HS6ST3: variants seen among roughly 807,000 people sequenced by gnomAD.
The protein encoded by HS6ST3 is heparan-sulfate 6-O-sulfotransferase 3.
HS6ST3 carries 12 observed loss-of-function variants against 36.7 expected under a neutral mutation model. That is an observed-to-expected ratio of 0.33 (90% CI 0.21 to 0.53). The LOEUF (loss-of-function observed/expected upper bound fraction) is 0.53. Ranked by LOEUF, HS6ST3 falls within the 20% of genes least tolerant of loss-of-function variation. The probability of loss-of-function intolerance (pLI) is 0.95; values close to 1 mark genes in which losing one functional copy is unlikely to be tolerated. For missense variants in HS6ST3, 584 were observed against 640.9 expected (o/e 0.91, Z 0.96); for synonymous variants, 240 against 257.5 (o/e 0.93, Z 0.65).
intron 1 of HS6ST3, among the ~76,000 whole-genome samples, chr13:96,716,878 G>A (rs764641107): frequency 6.6e-6 from 1 of 152,218 alleles, no homozygotes; most frequent in Non-Finnish European, 1.5e-5. Context: ...TCCTCCATTA[G>A]TGTAGGTAAG....
At chr13:96,375,708 T>C (rs1187387379) in intron 1 of HS6ST3, among the ~76,000 whole-genome samples, 1 of 152,202 alleles carries the variant, frequency 6.6e-6, no homozygotes, top group East Asian at 1.9e-4. Flanking sequence ...AAAATTATAA[T>C]GTACTAACTA....
intron 1 of HS6ST3, among the ~76,000 whole-genome samples, chr13:96,250,987 T>G (rs950194011): frequency 1.3e-5 from 2 of 152,150 alleles, no homozygotes; most frequent in Non-Finnish European, 2.9e-5. Flanking sequence ...TTGAACTTGG[T>G]TTTCTAGCAT....
chr13:96,489,510 C>G (rs1257881444), intron 1 of HS6ST3, among the ~76,000 whole-genome samples: 1 of 151,982 alleles, frequency 6.6e-6, no homozygotes, highest in Non-Finnish European at 1.5e-5. Context: ...AACTGTCTCA[C>G]CTTAGTTCCT....
chr13:96,614,407 G>T (rs530436050), intron 1 of HS6ST3, among the ~76,000 whole-genome samples: 1 of 151,676 alleles, frequency 6.6e-6, no homozygotes, highest in South Asian at 2.1e-4. Flanking sequence ...TCACAGGAAA[G>T]GTTTGGTGGA....
intron 1 of HS6ST3, among the ~76,000 whole-genome samples, chr13:96,343,764 A>T (rs2055141077): frequency 6.6e-6 from 1 of 151,934 alleles, no homozygotes; most frequent in South Asian, 2.1e-4. Flanking sequence ...TGGTTTTGAG[A>T]TGGAGTCTCA....
intron 1 of HS6ST3, among the ~76,000 whole-genome samples, chr13:96,690,211 T>C (rs553954052): frequency 1.7e-4 from 26 of 152,240 alleles, no homozygotes; most frequent in South Asian, 4.1e-4. Context: ...AATATTATCA[T>C]TTAAAATATA....
intron 1 of HS6ST3, among the ~76,000 whole-genome samples, chr13:96,299,430 T>A (rs1375647558): frequency 2.0e-5 from 3 of 152,114 alleles, no homozygotes; most frequent in African/African-American, 7.2e-5. Context: ...TCCCCACTGG[T>A]GCCACCTGAG....
intron 1 of HS6ST3, among the ~76,000 whole-genome samples, chr13:96,274,592 A>T (rs1566308759): frequency 2.0e-5 from 3 of 152,002 alleles, no homozygotes; most frequent in Admixed American, 2.0e-4. Flanking sequence ...TTCTTTGGTG[A>T]TTTCTTTTGG....
chr13:96,213,185 C>T (rs900876943), intron 1 of HS6ST3, among the ~76,000 whole-genome samples: 1 of 151,998 alleles, frequency 6.6e-6, no homozygotes, highest in African/African-American at 2.4e-5. Context: ...ATAAGATGGC[C>T]CCAGGTTTTC....
chr13:96,611,552 A>G (rs370998166), intron 1 of HS6ST3, among the ~76,000 whole-genome samples: 14 of 152,326 alleles, frequency 9.2e-5, no homozygotes, highest in Middle Eastern at 3.4e-3. Flanking sequence ...ATGAGCAACT[A>G]TGTAAAATAA....
intron 1 of HS6ST3, among the ~76,000 whole-genome samples, chr13:96,176,421 A>G (rs2054212907): frequency 6.6e-6 from 1 of 152,150 alleles, no homozygotes; most frequent in Admixed American, 6.5e-5. Context: ...ATGGAACCCT[A>G]ATGAATACCT....
At chr13:96,185,896 G>A (rs1220978399) in intron 1 of HS6ST3, among the ~76,000 whole-genome samples, 5 of 152,230 alleles carry the variant, frequency 3.3e-5, no homozygotes, top group East Asian at 3.9e-4. Flanking sequence ...ACGTTTATTC[G>A]CATGTACAGA....
At chr13:96,786,302 G>A (rs1273926365) in intron 1 of HS6ST3, among the ~76,000 whole-genome samples, 1 of 137,936 alleles carries the variant, frequency 7.2e-6, no homozygotes, top group Non-Finnish European at 1.5e-5. Context: ...CCAGTTCCAT[G>A]TTCATCTCCC....
chr13:96,767,248 A>G (rs1242029394), intron 1 of HS6ST3, among the ~76,000 whole-genome samples: 3 of 152,208 alleles, frequency 2.0e-5, no homozygotes, highest in African/African-American at 7.2e-5. Context: ...AATACCTTCT[A>G]TCTATAACAC....
intron 1 of HS6ST3, among the ~76,000 whole-genome samples, chr13:96,626,380 C>A (rs143193637): frequency 5.8e-4 from 88 of 152,062 alleles, no homozygotes; most frequent in Non-Finnish European, 1.1e-3. Context: ...AAAAATCTAC[C>A]CTTTCTCCAC....
chr13:96,291,855 T>C (rs372062253), intron 1 of HS6ST3, among the ~76,000 whole-genome samples: 2 of 152,292 alleles, frequency 1.3e-5, no homozygotes, highest in East Asian at 3.9e-4. Flanking sequence ...AGGAAGATCC[T>C]AATGATTGTT....
At chr13:96,291,215 C>T (rs1012531820) in intron 1 of HS6ST3, among the ~76,000 whole-genome samples, 3 of 152,256 alleles carry the variant, frequency 2.0e-5, no homozygotes, top group African/African-American at 2.4e-5. Flanking sequence ...TCATTCAATA[C>T]GTAATCCTTA....
At chr13:96,236,795 C>A (rs2054536579) in intron 1 of HS6ST3, among the ~76,000 whole-genome samples, 1 of 152,200 alleles carries the variant, frequency 6.6e-6, no homozygotes, top group Non-Finnish European at 1.5e-5. Flanking sequence ...CCTGAAATGG[C>A]TCTGTCCTTT....
chr13:96,220,184 G>A (rs78685766), intron 1 of HS6ST3, among the ~76,000 whole-genome samples: 1,762 of 152,192 alleles, frequency 0.012, 37 homozygotes, highest in African/African-American at 0.041. Context: ...GAGAGTGGTA[G>A]GATTTGGCAT....
Sources: allele counts gnomAD v4.1 joint callset (sites outside exome capture counted in the v4.1 genomes callset), GRCh38; gene constraint gnomAD v4.1.1; transcripts MANE v1.5; gene names NCBI Gene and HGNC (gene_info 2026-07-23, HGNC 2026-07-21).